Variants in TMEM182 observed in about 807,000 individuals in gnomAD.
The protein encoded by TMEM182 is transmembrane protein 182.
TMEM182 carries 20 observed loss-of-function variants against 26.8 expected under a neutral mutation model. That is an observed-to-expected ratio of 0.75 (90% CI 0.53 to 1.09). The LOEUF (loss-of-function observed/expected upper bound fraction) is 1.09. Among genes scored for constraint, TMEM182 ranks in the 50% least tolerant of loss-of-function variants. The pLI, the probability that TMEM182 is intolerant of heterozygous loss-of-function variation, is 0.00. For synonymous variants in TMEM182, 109 were observed against 102.2 expected (o/e 1.07, Z -0.40); for missense variants, 277 against 275.5 (o/e 1.01, Z -0.04).
At chr2:102,744,159 GC>G (rs1389811156) in intron 1 of TMEM182, among the ~76,000 whole-genome samples, 1 of 152,024 alleles carries the variant, frequency 6.6e-6, no homozygotes, top group Non-Finnish European at 1.5e-5. Context: ...CACATTCTGG[GC>G]CATAAAATAC....
upstream of TMEM182, chr2:102,761,936 T>C: frequency 3.2e-6 from 1 of 315,118 alleles, no homozygotes; most frequent in African/African-American, 2.2e-5. Flanking sequence ...TTGATCCCCA[T>C]GGGAGAAAGA....
rs1161878874 is a variant in TMEM182, at chr2:102,817,007, C to T, written c.*2039C>T. 1.0e-6 allele frequency: 1 copy of T among 985,590 alleles called. No individual in the cohort carries two copies. Among genetic ancestry groups the T allele is most frequent in the East Asian group, 1.1e-4 (1 of 8,820 alleles). 61.1% of individuals were successfully genotyped at this position (985,590 alleles called of 1,614,324 possible). A position where few individuals can be genotyped will look rare whatever the true frequency, so the allele number is the denominator to read the frequency against. On this transcript the variant is annotated 3_prime_UTR_variant, in exon 5 of 5. Coordinates refer to ENST00000412401, the MANE Select transcript of TMEM182 (RefSeq NM_144632.5). ...ATAGCTGATGTGTATGACACTTTTACACAGATTTGCACTTTGGAACTATTT... is the reference window on the plus strand; with the variant it reads ...ATAGCTGATGTGTATGACACTTTTATACAGATTTGCACTTTGGAACTATTT...
At position 102,797,901 on chromosome 2, in the gene TMEM182, G is replaced by T. The variant is rs772865145; in HGVS notation, c.370G>T (p.Val124Leu). ...GFWAVLMLLG[V>L]VAVVIASFLI... ...CTGGGCAGTCCTGATGCTCCTGGGG[G>T]TAGTTGCTGTAGTCATCGCAAGCTT... is the stretch of plus-strand genomic sequence containing the variant. Residue 124 changes from valine to leucine, a missense_variant, in exon 4 of 5, where the codon GTA becomes TTA. Physicochemically the swap from Val to Leu is conservative, Grantham distance 32. Coordinates refer to ENST00000412401, the MANE Select transcript of TMEM182 (RefSeq NM_144632.5). The T allele has an allele frequency of 6.2e-7, 1 of 1,613,866 alleles. No individual in the cohort carries two copies. The highest frequency in any genetic ancestry group is 8.5e-7 in the Non-Finnish European group (1 of 1,179,994).
intron 3 of TMEM182, among the ~76,000 whole-genome samples, chr2:102,831,057 A>G (rs1683139552): frequency 6.6e-6 from 1 of 152,222 alleles, no homozygotes; most frequent in Non-Finnish European, 1.5e-5. Context: ...TTATGGCTGA[A>G]GAGTACTCCA....
At chr2:102,825,282 C>A (rs1249684898) in intron 3 of TMEM182, among the ~76,000 whole-genome samples, 1 of 152,078 alleles carries the variant, frequency 6.6e-6, no homozygotes, top group Non-Finnish European at 1.5e-5. Context: ...TCAAAAAGGA[C>A]AAAGGAACAG....
At chr2:102,824,046 G>T (rs1035868588) in intron 3 of TMEM182, among the ~76,000 whole-genome samples, 4 of 152,190 alleles carry the variant, frequency 2.6e-5, no homozygotes, top group Admixed American at 6.5e-5. Flanking sequence ...TTCAGAAAGA[G>T]GGTTTTAAAA....
At chr2:102,761,518 T>C (rs989600199), upstream of TMEM182, among the ~76,000 whole-genome samples, 2 of 152,240 alleles carry the variant, frequency 1.3e-5, no homozygotes, top group African/African-American at 4.8e-5. Context: ...TATGTTACCA[T>C]GAACATTCTT....
At chr2:102,767,401 G>T (rs940779393) in intron 3 of TMEM182, among the ~76,000 whole-genome samples, 4 of 152,174 alleles carry the variant, frequency 2.6e-5, no homozygotes, top group Non-Finnish European at 5.9e-5. Flanking sequence ...TACCTTTGGA[G>T]AGTTGTCAGA....
At chr2:102,807,347 G>GA (rs1304855629) in intron 4 of TMEM182, among the ~76,000 whole-genome samples, 1 of 151,582 alleles carries the variant, frequency 6.6e-6, no homozygotes, top group African/African-American at 2.4e-5. Flanking sequence ...GAAAATTGGA[G>GA]AAAAAATGGA....
intron 3 of TMEM182, chr2:102,775,092 C>G (rs1483484888): frequency 1.3e-5 from 2 of 152,156 alleles, no homozygotes; most frequent in Non-Finnish European, 2.9e-5. Context: ...GTTCAATCTT[C>G]TAATTCATGG....
Position 102,762,443 on chromosome 2 carries a change from ATTTC to A in TMEM182, c.132+97_132+100del, listed in dbSNP as rs1361656491. On this transcript the variant is annotated intron_variant, in intron 1 of 4. Transcript: ENST00000412401. ...ATCAGAGAATAGTAGTGGAGTGTCT[ATTTC>A]TTCATGGAAGAGATATGTAGAAAGC... 2.2e-5 allele frequency: 35 copies of A among 1,560,066 alleles called. No individual in the cohort carries two copies. In the East Asian group the frequency reaches 7.9e-4, roughly 35 times the overall value.
At chr2:102,825,002 G>A (rs1230653036) in intron 3 of TMEM182, among the ~76,000 whole-genome samples, 1 of 152,190 alleles carries the variant, frequency 6.6e-6, no homozygotes, top group African/African-American at 2.4e-5. Context: ...ATAGGAGTGT[G>A]AGAAGGGACT....
intron 4 of TMEM182, among the ~76,000 whole-genome samples, chr2:102,812,592 T>C (rs536247179): frequency 1.2e-4 from 19 of 152,352 alleles, no homozygotes; most frequent in South Asian, 1.0e-3. Context: ...AAATATAAGT[T>C]AATTCTTTCC....
intron 3 of TMEM182, among the ~76,000 whole-genome samples, chr2:102,835,814 A>G (rs1683234577): frequency 1.3e-5 from 2 of 151,992 alleles, no homozygotes; most frequent in Admixed American, 1.3e-4. Flanking sequence ...CGTCATTTAC[A>G]TTAGGTATAT....
At chr2:102,774,486 C>T (rs527797155) in intron 3 of TMEM182, among the ~76,000 whole-genome samples, 5 of 151,180 alleles carry the variant, frequency 3.3e-5, no homozygotes, top group Admixed American at 6.6e-5. Context: ...AGGATGGTCT[C>T]GATCTTCTGA....
chr2:102,777,356 CG>C (rs1329195486), intron 3 of TMEM182, among the ~76,000 whole-genome samples: 11 of 152,092 alleles, frequency 7.2e-5, no homozygotes, highest in African/African-American at 2.6e-4. Flanking sequence ...CATTATTTTG[CG>C]TATGGATTTT....
chr2:102,764,452 A>G (rs767396762), intron 3 of TMEM182, 25 bp downstream of exon 3: 52 of 1,601,206 alleles, frequency 3.2e-5, no homozygotes, highest in Non-Finnish European at 4.3e-5. Context: ...TCCTCAGCCT[A>G]CTTCTAAAAG....
chr2:102,812,587 TAA>T (rs1458941089), intron 4 of TMEM182, among the ~76,000 whole-genome samples: 2 of 152,232 alleles, frequency 1.3e-5, no homozygotes, highest in African/African-American at 2.4e-5. Context: ...TATTTAAATA[TAA>T]GTTAATTCTT....
intron 3 of TMEM182, among the ~76,000 whole-genome samples, chr2:102,766,138 A>G (rs924911270): frequency 6.6e-6 from 1 of 152,194 alleles, no homozygotes; most frequent in Non-Finnish European, 1.5e-5. Flanking sequence ...CTGTGATAAG[A>G]TAGGTATTGT....
Sources: gnomAD v4.1 joint callset for allele counts (sites outside exome capture counted in the v4.1 genomes callset) on GRCh38, gnomAD v4.1.1 for gene constraint, MANE v1.5 for transcripts, NCBI Gene and HGNC (gene_info 2026-07-23, HGNC 2026-07-21) for gene names.